Variants in HIBCH observed in about 807,000 individuals in gnomAD.
HIBCH encodes the protein 3-hydroxyisobutyryl-CoA hydrolase, also known as 3-hydroxyisobutyryl-CoA hydrolase, mitochondrial.
In HIBCH, 50 loss-of-function variants were observed where a neutral mutation model predicts 58.2. The observed-to-expected ratio is 0.86, with a 90% CI of 0.68 to 1.09. The LOEUF (loss-of-function observed/expected upper bound fraction) is 1.09, where lower values mean the gene tolerates loss of function less well. HIBCH is among the 50% of genes least tolerant of loss of function. The pLI is 0.00. For missense variants in HIBCH, 450 were observed against 449.7 expected (o/e 1.00, Z -0.01); for synonymous variants, 151 against 146.9 (o/e 1.03, Z -0.20).
intron 6 of HIBCH, among the ~76,000 whole-genome samples, chr2:190,283,843 C>T (rs997647705): frequency 6.6e-6 from 1 of 152,186 alleles, no homozygotes; most frequent in Non-Finnish European, 1.5e-5. Context: ...ATTATATTCT[C>T]AATTCTCCCA....
chr2:190,213,798 T>C (rs749152350), intron 11 of HIBCH: 11 of 152,204 alleles, frequency 7.2e-5, no homozygotes, highest in Admixed American at 2.0e-4. Context: ...ACAGGTGACG[T>C]CCGGGATGAC....
At chr2:190,307,260 A>G (rs1204808134) in intron 2 of HIBCH, among the ~76,000 whole-genome samples, 1 of 152,226 alleles carries the variant, frequency 6.6e-6, no homozygotes, top group Non-Finnish European at 1.5e-5. Flanking sequence ...CAAACACTAT[A>G]CCCTCAATAC....
rs1690609676 is a variant in HIBCH, at chr2:190,215,570, A to AC, written c.892-2496dup. ...TTTAATTTTAAAGGTTAATTTTCTG[A>AC]CTAAAAGCTGGCCTGATATTACTAA... On this transcript the variant is annotated intron_variant, in intron 11 of 13. Coordinates refer to ENST00000359678, the MANE Select transcript of HIBCH (RefSeq NM_014362.4). This position sits in a 1 kb window ranked among gnomAD's most constrained non-coding sequence, Gnocchi z 4.4. 1 of 152,204 alleles carries AC rather than the reference A, an allele frequency of 6.6e-6. No individual in the cohort carries two copies. Among genetic ancestry groups the AC allele is most frequent in the Non-Finnish European group, 1.5e-5 (1 of 68,046 alleles). The allele number at this position is 152,204 out of a possible 1,614,324, so 9.4% of individuals were successfully genotyped here. A position where few individuals can be genotyped will look rare whatever the true frequency, so the allele number is the denominator to read the frequency against.
At chr2:190,200,304 T>A (rs1690190345), downstream of HIBCH, 1 of 657,112 alleles carries the variant, frequency 1.5e-6, no homozygotes, top group South Asian at 2.0e-5. Context: ...ATGAAATGCA[T>A]TTTAAGTACT....
At chr2:190,252,409 T>G (rs764528995) in intron 7 of HIBCH, 102 bp from the exon 8 acceptor site, 6 of 935,876 alleles carry the variant, frequency 6.4e-6, no homozygotes, top group African/African-American at 1.6e-5. Flanking sequence ...CTCTGGAGCT[T>G]GAATATACAT....
At chr2:190,199,690 T>C, downstream of HIBCH, 2 of 1,427,554 alleles carry the variant, frequency 1.4e-6, no homozygotes, top group South Asian at 3.1e-5. Flanking sequence ...CTACCTTCTC[T>C]TGACAGGTAA....
chr2:190,268,293 C>T (rs925595405), intron 6 of HIBCH, among the ~76,000 whole-genome samples: 1 of 152,126 alleles, frequency 6.6e-6, no homozygotes, highest in African/African-American at 2.4e-5. Context: ...TTTATGGTGT[C>T]CCGAGCACTC....
At chr2:190,285,652 G>A (rs1687810585) in intron 6 of HIBCH, among the ~76,000 whole-genome samples, 1 of 150,274 alleles carries the variant, frequency 6.7e-6, no homozygotes, top group African/African-American at 2.5e-5. Flanking sequence ...CCACCTTTTG[G>A]CCTCATACTA....
chr2:190,190,970 T>A (rs1437642901), intron 1 of HIBCH, among the ~76,000 whole-genome samples: 1 of 152,126 alleles, frequency 6.6e-6, no homozygotes, highest in East Asian at 1.9e-4. Context: ...TAATCTATCA[T>A]CTGTCCCTAT....
intron 11 of HIBCH, among the ~76,000 whole-genome samples, chr2:190,226,759 A>G (rs1053290446): frequency 6.6e-6 from 1 of 152,236 alleles, no homozygotes; most frequent in African/African-American, 2.4e-5. Context: ...ATGTGCAAAT[A>G]TCACACGCAT....
intron 8 of HIBCH, among the ~76,000 whole-genome samples, 189 bp downstream of exon 8, chr2:190,251,972 CA>C (rs1686785420): frequency 6.6e-6 from 1 of 151,972 alleles, no homozygotes; most frequent in Non-Finnish European, 1.5e-5. Context: ...CTCCAGTTTG[CA>C]TATGAGGAAA....
chr2:190,283,918 T>C (rs1687769566), intron 6 of HIBCH, among the ~76,000 whole-genome samples: 1 of 152,176 alleles, frequency 6.6e-6, no homozygotes, highest in Non-Finnish European at 1.5e-5. Flanking sequence ...ATTTATTACA[T>C]TCAAGGGATG....
chr2:190,212,924 T>TA (rs764029532), intron 12 of HIBCH, 32 bp downstream of exon 12: 36 of 1,581,458 alleles, frequency 2.3e-5, no homozygotes, highest in African/African-American at 4.1e-5. Flanking sequence ...CTTTTAGAAC[T>TA]AAAAAATGAC....
intron 11 of HIBCH, chr2:190,213,387 A>C: frequency 2.9e-6 from 1 of 339,124 alleles, no homozygotes; most frequent in Admixed American, 4.3e-5. Context: ...ATCAATACAC[A>C]CCTTACAAAC....
intron 2 of HIBCH, among the ~76,000 whole-genome samples, chr2:190,305,447 C>T (rs1229271374): frequency 1.3e-5 from 2 of 152,252 alleles, no homozygotes; most frequent in East Asian, 1.9e-4. Context: ...CCAATCTTCA[C>T]GTGACATTAT....
intron 9 of HIBCH, 72 bp from the exon 10 acceptor site, chr2:190,246,284 A>C (rs1025340204): frequency 2.4e-6 from 2 of 848,330 alleles, no homozygotes; most frequent in Middle Eastern, 3.4e-4. Flanking sequence ...ATATTTAATG[A>C]TACACTTTGT....
chr2:190,275,813 A>G (rs905542082), intron 6 of HIBCH, among the ~76,000 whole-genome samples: 1 of 152,232 alleles, frequency 6.6e-6, no homozygotes, highest in Non-Finnish European at 1.5e-5. Flanking sequence ...ATTGAGAGTT[A>G]ATGGCATGAA....
chr2:190,261,223 G>C lies in HIBCH; in HGVS notation c.450C>G (p.Leu150=), dbSNP rs763972870. 8 of 1,609,750 alleles carry C rather than the reference G, an allele frequency of 5.0e-6. No individual in the cohort carries two copies. In the African/African-American group the frequency reaches 8.0e-5, roughly 16 times the overall value. Residue 150 remains leucine (L), a synonymous_variant, in exon 7 of 14, where the codon CTC becomes CTG. Transcript: ENST00000359678. ...CCACTCGAAATTGCCCATGGACTGAGAGACCAACTCCCTAGAGAAAAAAGG... is the reference window on the plus strand; with the variant it reads ...CCACTCGAAATTGCCCATGGACTGACAGACCAACTCCCTAGAGAAAAAAGG... ...HGITMGGGVG[L]SVHGQFRVAT... is the part of the protein sequence containing the mutation.
At chr2:190,297,134 CA>C (rs1688127174) in intron 2 of HIBCH, among the ~76,000 whole-genome samples, 181 bp from the exon 3 acceptor site, 1 of 152,182 alleles carries the variant, frequency 6.6e-6, no homozygotes. Context: ...AATTCCAAAG[CA>C]AATCATACAC....
Sources: gnomAD v4.1 joint callset for allele counts (sites outside exome capture counted in the v4.1 genomes callset) on GRCh38, gnomAD v4.1.1 for gene constraint, Gnocchi (gnomAD v3.1) non-coding constraint, MANE v1.5 for transcripts, NCBI Gene and HGNC (gene_info 2026-07-23, HGNC 2026-07-21) for gene names.